The following MYT1L variants were observed in gnomAD, a reference collection of about 807,000 sequenced individuals.
The protein encoded by MYT1L is myelin transcription factor 1-like protein.
A neutral mutation model predicts 126.7 loss-of-function variants in MYT1L; 12 were observed. The observed-to-expected ratio is 0.09, with a 90% CI of 0.06 to 0.15. The LOEUF (loss-of-function observed/expected upper bound fraction) is 0.15. Ranked by LOEUF, MYT1L falls within the 10% of genes least tolerant of loss-of-function variation. The pLI is 1.00. For synonymous variants in MYT1L, 541 were observed against 604.2 expected, an observed-to-expected ratio of 0.90 and a Z score of 1.53; for missense variants, 979 against 1,585.2, an observed-to-expected ratio of 0.62 and a Z score of 6.49.
chr2:2,319,769 A>G (rs1323675261), intron 1 of MYT1L, among the ~76,000 whole-genome samples: 4 of 151,876 alleles, frequency 2.6e-5, no homozygotes, highest in African/African-American at 9.7e-5. Context: ...ATATATATAT[A>G]TATATATATG....
At chr2:2,158,816 C>G (rs568782818) in intron 3 of MYT1L, among the ~76,000 whole-genome samples, 1 of 152,014 alleles carries the variant, frequency 6.6e-6, no homozygotes, top group African/African-American at 2.4e-5. Context: ...TGTCTTTCAC[C>G]GACAGGCAGA....
intron 3 of MYT1L, among the ~76,000 whole-genome samples, chr2:2,072,656 TGAG>T (rs2074740679): frequency 6.6e-6 from 1 of 152,168 alleles, no homozygotes; most frequent in African/African-American, 2.4e-5. Context: ...CCCCAGGAGT[TGAG>T]GGAGGAACCT....
intron 2 of MYT1L, among the ~76,000 whole-genome samples, chr2:2,177,864 T>A (rs1291498825): frequency 6.6e-6 from 1 of 152,108 alleles, no homozygotes; most frequent in Non-Finnish European, 1.5e-5. Flanking sequence ...CAGAGCCTAA[T>A]CATATAATAG....
intron 2 of MYT1L, among the ~76,000 whole-genome samples, chr2:2,204,463 A>G (rs896413306): frequency 1.4e-4 from 21 of 150,312 alleles, no homozygotes; most frequent in African/African-American, 5.2e-4. Context: ...ATATGAACAG[A>G]CACTTCTCAA....
intron 5 of MYT1L, among the ~76,000 whole-genome samples, chr2:1,993,451 C>G (rs1254358689): frequency 2.0e-5 from 3 of 152,108 alleles, no homozygotes; most frequent in Admixed American, 6.5e-5. Context: ...GTTTACAAAA[C>G]TTTTTTGTAC....
At chr2:2,128,940 A>T (rs2082034824) in intron 3 of MYT1L, among the ~76,000 whole-genome samples, 1 of 152,230 alleles carries the variant, frequency 6.6e-6, no homozygotes, top group Non-Finnish European at 1.5e-5. Flanking sequence ...TTGCAGATGA[A>T]ATGATTTCAT....
chr2:2,260,278 T>C (rs1161715274), intron 2 of MYT1L, among the ~76,000 whole-genome samples: 1 of 152,200 alleles, frequency 6.6e-6, no homozygotes, highest in Non-Finnish European at 1.5e-5. Flanking sequence ...GTAATAAAAC[T>C]TGACAAAACT....
intron 8 of MYT1L, among the ~76,000 whole-genome samples, chr2:1,954,994 G>A (rs947361878): frequency 3.3e-5 from 5 of 151,628 alleles, no homozygotes; most frequent in Non-Finnish European, 5.9e-5. Context: ...AAGAAAGAAA[G>A]AAAAAAAGTT....
intron 2 of MYT1L, among the ~76,000 whole-genome samples, chr2:2,274,988 G>A (rs1376057300): frequency 6.6e-6 from 1 of 152,088 alleles, no homozygotes; most frequent in Non-Finnish European, 1.5e-5. Context: ...GAAAGCAGAT[G>A]GCCACACACT....
chr2:1,828,253 A>G (rs1410603467), intron 21 of MYT1L: 1 of 151,860 alleles, frequency 6.6e-6, no homozygotes, highest in Non-Finnish European at 1.5e-5. Context: ...GCTTCCTGGT[A>G]CTAGGTGACA....
chr2:2,176,535 G>A (rs912827743), intron 2 of MYT1L, among the ~76,000 whole-genome samples: 3 of 148,512 alleles, frequency 2.0e-5, no homozygotes, highest in African/African-American at 5.0e-5. Context: ...AGTTTTGCTC[G>A]TCACCCAGGC....
chr2:2,128,239 C>T (rs530100950), intron 3 of MYT1L, among the ~76,000 whole-genome samples: 1 of 152,290 alleles, frequency 6.6e-6, no homozygotes, highest in African/African-American at 2.4e-5. Flanking sequence ...CTCCACCTCC[C>T]ATTCTCAAGT....
At chr2:2,003,583 G>A (rs2062632829) in intron 4 of MYT1L, among the ~76,000 whole-genome samples, 1 of 152,230 alleles carries the variant, frequency 6.6e-6, no homozygotes, top group South Asian at 2.1e-4. Context: ...TCTCTCCTGG[G>A]GTGGGTGCCT....
intron 3 of MYT1L, among the ~76,000 whole-genome samples, chr2:2,112,833 T>A (rs918629683): frequency 1.3e-5 from 2 of 152,188 alleles, no homozygotes; most frequent in Admixed American, 1.3e-4. Flanking sequence ...ATGGCTCCAA[T>A]ATCAGCTCTG....
intron 19 of MYT1L, among the ~76,000 whole-genome samples, chr2:1,850,846 C>G (rs2043178759): frequency 6.6e-6 from 1 of 152,072 alleles, no homozygotes. Context: ...CCCCAATCTG[C>G]TCCTTGGTTG....
intron 18 of MYT1L, among the ~76,000 whole-genome samples, chr2:1,870,809 C>T (rs1298551244): frequency 6.6e-6 from 1 of 152,230 alleles, no homozygotes; most frequent in Non-Finnish European, 1.5e-5. Flanking sequence ...AGCAGCATTA[C>T]AATTTTAATG....
At chr2:2,244,717 T>A (rs73913275) in intron 2 of MYT1L, among the ~76,000 whole-genome samples, 11,508 of 152,200 alleles carry the variant, frequency 0.076, 691 homozygotes, top group South Asian at 0.19. Context: ...AAACACAGAC[T>A]GACTTGATAA....
At chr2:2,010,719 C>T (rs774723447) in intron 4 of MYT1L, among the ~76,000 whole-genome samples, 1 of 152,164 alleles carries the variant, frequency 6.6e-6, no homozygotes, top group Non-Finnish European at 1.5e-5. Flanking sequence ...CCACAGCTAA[C>T]ATCATACAGA....
chr2:2,047,798 A>G (rs1286984155), intron 4 of MYT1L, among the ~76,000 whole-genome samples: 4 of 152,244 alleles, frequency 2.6e-5, no homozygotes, highest in Non-Finnish European at 4.4e-5. Context: ...ATGATGGTAT[A>G]TAATCTTTTT....
Sources: gnomAD v4.1 joint callset for allele counts (sites outside exome capture counted in the v4.1 genomes callset) on GRCh38, gnomAD v4.1.1 for gene constraint, MANE v1.5 for transcripts, NCBI Gene and HGNC (gene_info 2026-07-23, HGNC 2026-07-21) for gene names.